Variants in NAT10 observed in about 807,000 individuals in gnomAD.
NAT10 encodes N-acetyltransferase 10.
In NAT10, 109 loss-of-function variants were observed where a neutral mutation model predicts 132.2. That is an observed-to-expected ratio of 0.82 (90% CI 0.71 to 0.97). The LOEUF (loss-of-function observed/expected upper bound fraction) is 0.97. Ranked by LOEUF, NAT10 falls within the 50% of genes least tolerant of loss-of-function variation. NAT10 has a pLI of 0.00. For missense variants in NAT10, 1,184 were observed against 1,263.4 expected (o/e 0.94, Z 0.95); for synonymous variants, 479 against 478.0 (o/e 1.00, Z -0.03).
At chr11:34,122,364 C>A in intron 8 of NAT10, 95 bp from the exon 9 acceptor site, 2 of 1,518,520 alleles carry the variant, frequency 1.3e-6, no homozygotes, top group East Asian at 2.3e-5. Context: ...TCTTATTTAG[C>A]CTGGCATCAA....
Position 34,137,004 on chromosome 11 carries a change from C to G in NAT10, c.2189C>G (p.Pro730Arg), listed in dbSNP as rs758571890. 1.9e-6 allele frequency: 3 copies of G among 1,614,194 alleles called. No homozygotes were observed. Among genetic ancestry groups the G allele is most frequent in the Non-Finnish European group, 2.5e-6 (3 of 1,180,038 alleles). The change falls in exon 21 of 29, where the codon CCT becomes CGT. Residue 730 changes from proline to arginine, a missense_variant. Coordinates refer to ENST00000257829, the MANE Select transcript of NAT10 (RefSeq NM_024662.3). ...LKFWKRAGFV[P>R]VYLRQTPNDL... is the part of the protein sequence containing the mutation. ...TTCTGGAAACGAGCTGGATTTGTTC[C>G]TGTTTATCTGAGACAGACCCCGGTG... is the stretch of plus-strand genomic sequence containing the variant.
chr11:34,117,197 T>G (rs1347468102), intron 6 of NAT10, among the ~76,000 whole-genome samples: 1 of 150,792 alleles, frequency 6.6e-6, no homozygotes, highest in African/African-American at 2.5e-5. Context: ...TTTCCCAAAT[T>G]TATTTTACCA....
intron 8 of NAT10, among the ~76,000 whole-genome samples, chr11:34,120,145 T>TG (rs1309916690): frequency 7.1e-6 from 1 of 140,048 alleles, no homozygotes; most frequent in Non-Finnish European, 1.5e-5. Context: ...TGCTGTTGGT[T>TG]TTTTTTTTTT....
intron 27 of NAT10, 111 bp downstream of exon 27, chr11:34,142,459 G>C (rs1852353696): frequency 5.4e-6 from 5 of 926,066 alleles, no homozygotes; most frequent in Non-Finnish European, 8.5e-6. Context: ...TCTTTCATGG[G>C]ATCAGTTTTA....
chr11:34,134,319 G>T lies in NAT10; in HGVS notation c.1735G>T (p.Val579Leu), dbSNP rs1467166056. Residue 579 changes from valine (V) to leucine (L), a missense_variant and splice_region_variant, in exon 17 of 29, where the codon GTG becomes TTG. By Grantham distance (32) the Val-to-Leu change is conservative. Coordinates refer to ENST00000257829, the MANE Select transcript of NAT10 (RefSeq NM_024662.3). ...ALPEVLAVIQ[V>L]CLEGEISRQS... ...CTGCACTGTCCTGCTTCCCCCACAG[G>T]TGTGCCTTGAAGGGGAGATTTCTCG... 10 of 1,613,970 alleles carry T rather than the reference G, an allele frequency of 6.2e-6. No individual in the cohort carries two copies. The highest frequency in any genetic ancestry group is 8.5e-6 in the Non-Finnish European group (10 of 1,179,916).
chr11:34,143,865 A>G (rs1309778977), intron 28 of NAT10, among the ~76,000 whole-genome samples: 2 of 152,226 alleles, frequency 1.3e-5, no homozygotes, highest in South Asian at 4.1e-4. Flanking sequence ...TCAGGATGAC[A>G]GCATAAGGGG....
intron 1 of NAT10, 51 bp from the exon 2 acceptor site, chr11:34,108,160 T>C: frequency 7.7e-7 from 1 of 1,290,900 alleles, no homozygotes; most frequent in Non-Finnish European, 1.1e-6. Flanking sequence ...CCAGCTAATG[T>C]TCCTTAGACA....
intron 3 of NAT10, among the ~76,000 whole-genome samples, chr11:34,109,444 C>T (rs1255796731): frequency 6.6e-6 from 1 of 152,170 alleles, no homozygotes; most frequent in African/African-American, 2.4e-5. Flanking sequence ...CACTTAGTAG[C>T]CACTTTTGCA....
chr11:34,141,447 C>CAA (rs1852329883), intron 25 of NAT10, among the ~76,000 whole-genome samples: 1 of 146,150 alleles, frequency 6.8e-6, no homozygotes, highest in Admixed American at 6.8e-5. Context: ...CACACACACA[C>CAA]ACACGTGCGC....
In NAT10 at chr11:34,122,511, G is replaced by C. The variant is rs1167623991; in HGVS notation, c.833G>C (p.Ser278Thr). The C allele has an allele frequency of 6.2e-7, 1 of 1,614,204 alleles. No homozygotes were observed. Among genetic ancestry groups the C allele is most frequent in the Admixed American group, 1.7e-5 (1 of 60,032 alleles). The change falls in exon 9 of 29, where the codon AGT becomes ACT. Residue 278 changes from serine (S) to threonine (T), a missense_variant. By Grantham distance (58) the Ser-to-Thr change is moderately conservative (BLOSUM62 1). Transcript: ENST00000257829. ...IEGISEKTLR[S>T]TVALTAARGR... Reference sequence around the variant, plus strand: ...GGCATCTCTGAAAAGACCCTGAGGAGTACTGTTGCACTCACAGCTGCTCGA... The same window carrying C: ...GGCATCTCTGAAAAGACCCTGAGGACTACTGTTGCACTCACAGCTGCTCGA...
At chr11:34,140,332 G>A in intron 23 of NAT10, 68 bp from the exon 24 acceptor site, 1 of 1,466,228 alleles carries the variant, frequency 6.8e-7, no homozygotes, top group Non-Finnish European at 9.4e-7. Context: ...GTGCCGCCTG[G>A]GGGCTGTGTG....
chr11:34,122,498 A>G lies in NAT10; in HGVS notation c.820A>G (p.Lys274Glu). Residue 274 changes from lysine (K) to glutamate (E), a missense_variant, in exon 9 of 29, where the codon AAG becomes GAG. Physicochemically the swap from Lys to Glu is moderately conservative, Grantham distance 56. Coordinates refer to ENST00000257829, the MANE Select transcript of NAT10 (RefSeq NM_024662.3). ...GAAATTTATCGAGGGCATCTCTGAA[A>G]AGACCCTGAGGAGTACTGTTGCACT... ...VLKFIEGISE[K>E]TLRSTVALTA... 1 of 1,614,186 alleles carries G rather than the reference A, an allele frequency of 6.2e-7. No individual in the cohort carries two copies. The highest frequency in any genetic ancestry group is 8.5e-7 in the Non-Finnish European group (1 of 1,180,048).
At chr11:34,118,555 C>T (rs760702480) in intron 8 of NAT10, 52 bp downstream of exon 8, 16 of 1,465,520 alleles carry the variant, frequency 1.1e-5, no homozygotes, top group African/African-American at 1.4e-5. Context: ...ACATAGCATA[C>T]GGAGCGTAAC....
chr11:34,109,261 A>G (rs1372423905), intron 3 of NAT10, among the ~76,000 whole-genome samples: 1 of 151,772 alleles, frequency 6.6e-6, no homozygotes, highest in Non-Finnish European at 1.5e-5. Context: ...CAGGACCTGT[A>G]TTGTCTTTCC....
chr11:34,142,358 G>C lies in NAT10; in HGVS notation c.2885+10G>C. On this transcript the variant is annotated intron_variant, in intron 27 of 28. Coordinates refer to ENST00000257829, the MANE Select transcript of NAT10 (RefSeq NM_024662.3). ...GCATGGACCTCTCTGAGTAAGGCTTGTGGGAAGCAGAGGGTTTGCCTTGGC... is the reference window on the plus strand; with the variant it reads ...GCATGGACCTCTCTGAGTAAGGCTTCTGGGAAGCAGAGGGTTTGCCTTGGC... 6.2e-7 allele frequency: 1 copy of C among 1,613,570 alleles called. No individual in the cohort carries two copies. The highest frequency in any genetic ancestry group is 2.2e-5 in the East Asian group (1 of 44,880).
In NAT10 at chr11:34,134,310, C is replaced by T. The variant is rs765074851; in HGVS notation, c.1735-9C>T. 2 of 1,612,862 alleles carry T rather than the reference C, an allele frequency of 1.2e-6. No homozygotes were observed. Among genetic ancestry groups the T allele is most frequent in the East Asian group, 2.2e-5 (1 of 44,870 alleles). On this transcript the variant is annotated splice_polypyrimidine_tract_variant and intron_variant, in intron 16 of 28. Coordinates refer to ENST00000257829, the MANE Select transcript of NAT10 (RefSeq NM_024662.3). Reference sequence around the variant, plus strand: ...CCTTTCTGCCTGCACTGTCCTGCTTCCCCCACAGGTGTGCCTTGAAGGGGA... The same window carrying T: ...CCTTTCTGCCTGCACTGTCCTGCTTTCCCCACAGGTGTGCCTTGAAGGGGA...
chr11:34,134,212 A>G, intron 16 of NAT10, 107 bp from the exon 17 acceptor site: 1 of 908,672 alleles, frequency 1.1e-6, no homozygotes, highest in Non-Finnish European at 1.8e-6. Flanking sequence ...AAACCTGAAC[A>G]TGGGGGTGGA....
chr11:34,140,734 G>C (rs1590192870), intron 24 of NAT10, among the ~76,000 whole-genome samples, 162 bp downstream of exon 24: 1 of 152,208 alleles, frequency 6.6e-6, no homozygotes. Flanking sequence ...GGAAACCTGG[G>C]CTCTGAAGTC....
At chr11:34,117,314 C>T (rs978327854) in intron 6 of NAT10, among the ~76,000 whole-genome samples, 8 of 152,058 alleles carry the variant, frequency 5.3e-5, no homozygotes, top group Non-Finnish European at 1.2e-4. Context: ...GCCATTTGGC[C>T]CCCTGGGGAC....
Sources: gnomAD v4.1 joint callset for allele counts (sites outside exome capture counted in the v4.1 genomes callset) on GRCh38, gnomAD v4.1.1 for gene constraint, MANE v1.5 for transcripts, NCBI Gene and HGNC (gene_info 2026-07-23, HGNC 2026-07-21) for gene names.